MYO1D: variants seen among roughly 807,000 people sequenced by gnomAD.
MYO1D encodes the protein myosin ID.
A neutral mutation model predicts 122.0 loss-of-function variants in MYO1D; 83 were observed. That is an observed-to-expected ratio of 0.68 (90% CI 0.57 to 0.82). MYO1D has a LOEUF of 0.82. MYO1D is among the 40% of genes least tolerant of loss of function. The probability of loss-of-function intolerance (pLI) is 0.00; values close to 1 mark genes in which losing one functional copy is unlikely to be tolerated. For missense variants in MYO1D, 1,157 were observed against 1,269.5 expected (o/e 0.91, Z 1.35); for synonymous variants, 464 against 446.9 (o/e 1.04, Z -0.48).
chr17:32,497,295 A>G (rs911091843), intron 21 of MYO1D, among the ~76,000 whole-genome samples: 1 of 152,130 alleles, frequency 6.6e-6, no homozygotes, highest in Non-Finnish European at 1.5e-5. Context: ...CAAAAAATAA[A>G]AAAACAAACC....
chr17:32,764,815 G>A, intron 8 of MYO1D, 63 bp downstream of exon 8: 1 of 1,520,518 alleles, frequency 6.6e-7, no homozygotes, highest in Admixed American at 1.7e-5. Context: ...CATGCTCACA[G>A]GATTTCACTC....
chr17:32,757,872 G>A (rs1270887622), intron 10 of MYO1D, among the ~76,000 whole-genome samples: 2 of 152,146 alleles, frequency 1.3e-5, no homozygotes, highest in Non-Finnish European at 2.9e-5. Context: ...TTGTGATGGG[G>A]TAGCTTAGGG....
intron 1 of MYO1D, among the ~76,000 whole-genome samples, chr17:32,871,532 GA>G (rs1020273648): frequency 6.6e-6 from 1 of 152,172 alleles, no homozygotes; most frequent in Non-Finnish European, 1.5e-5. Context: ...AAGAGAGGGT[GA>G]AAAATTAAAT....
chr17:32,867,629 G>A (rs1200892789), intron 1 of MYO1D, among the ~76,000 whole-genome samples: 9 of 150,022 alleles, frequency 6.0e-5, no homozygotes, highest in East Asian at 2.0e-4. Context: ...AAACCCTGTC[G>A]CTACTAAAAA....
rs148288383 is a variant in MYO1D, at chr17:32,531,020, C to T, written c.2865-36105G>A. 2.6e-3 allele frequency among the ~76,000 whole-genome samples: 389 copies of T among 152,118 alleles called. 3 individuals carry two copies. Among genetic ancestry groups the T allele is most frequent in the African/African-American group, 8.7e-3 (363 of 41,492 alleles). ...CACTCCCTTTGGAGAACTGATCCTCCCTCACTGCAACCCAGGGTGGTGCTG... is the reference window on the plus strand; with the variant it reads ...CACTCCCTTTGGAGAACTGATCCTCTCTCACTGCAACCCAGGGTGGTGCTG... On this transcript the variant is annotated intron_variant, in intron 21 of 21. Coordinates refer to ENST00000318217, the MANE Select transcript of MYO1D (RefSeq NM_015194.3).
intron 21 of MYO1D, among the ~76,000 whole-genome samples, chr17:32,598,711 T>C (rs796260005): frequency 5.3e-5 from 8 of 152,244 alleles, no homozygotes; most frequent in African/African-American, 1.7e-4. Flanking sequence ...TATGTTTACA[T>C]TATACTGTAG....
intron 21 of MYO1D, among the ~76,000 whole-genome samples, chr17:32,513,578 A>T (rs1909772918): frequency 6.6e-6 from 1 of 152,262 alleles, no homozygotes; most frequent in Non-Finnish European, 1.5e-5. Context: ...GATGTAATCC[A>T]GCAAGGTAGA....
rs554754867 is a variant in MYO1D, at chr17:32,746,682, G to A, written c.1539-1397C>T. On this transcript the variant is annotated intron_variant, in intron 12 of 21. Transcript: ENST00000318217. ...TTTGTGGGAAGAGACCATACCTTAT[G>A]AAGTACTGAGCACATAGAAGATACT... Among the ~76,000 whole-genome samples the A allele has an allele frequency of 2.6e-5, 4 of 152,258 alleles. No individual in the cohort carries two copies. The East Asian group carries it at 7.7e-4, about 29-fold the overall frequency.
chr17:32,549,213 C>A (rs2086990300), intron 21 of MYO1D, among the ~76,000 whole-genome samples: 1 of 152,150 alleles, frequency 6.6e-6, no homozygotes, highest in African/African-American at 2.4e-5. Flanking sequence ...CCACCTCAGC[C>A]TCCAGAGCAG....
In MYO1D at chr17:32,659,273, C is replaced by CCGGCGCTGATTATTGT. The variant is rs1436766711; in HGVS notation, c.2186_2187insACAATAATCAGCGCCG (p.Tyr730GlnfsTer2). The CCGGCGCTGATTATTGT allele has an allele frequency of 6.2e-7, 1 of 1,614,110 alleles. No homozygotes were observed. Among genetic ancestry groups the CCGGCGCTGATTATTGT allele is most frequent in the African/African-American group, 1.3e-5 (1 of 74,936 alleles). On this transcript the variant is annotated stop_gained and frameshift_variant, in exon 17 of 22. Coordinates refer to ENST00000318217, the MANE Select transcript of MYO1D (RefSeq NM_015194.3). LOFTEE classifies it high-confidence loss of function. ...ACTTCACTTTGTAGCGCCGGTAGTA[C>CCGGCGCTGATTATTGT]CTGATTATTGTCAGAGCTGCCTTGG...
intron 16 of MYO1D, among the ~76,000 whole-genome samples, chr17:32,663,490 A>T (rs2088598380): frequency 6.6e-6 from 1 of 152,206 alleles, no homozygotes; most frequent in African/African-American, 2.4e-5. Context: ...TATGAAATAA[A>T]TGCATCAGAG....
intron 1 of MYO1D, among the ~76,000 whole-genome samples, chr17:32,856,391 A>G (rs1332990849): frequency 6.6e-6 from 1 of 152,168 alleles, no homozygotes; most frequent in East Asian, 1.9e-4. Flanking sequence ...CTTAAAAAGT[A>G]GCAGAAAAAC....
At chr17:32,765,353 C>A (rs2090045051) in intron 7 of MYO1D, among the ~76,000 whole-genome samples, 1 of 152,146 alleles carries the variant, frequency 6.6e-6, no homozygotes, top group African/African-American at 2.4e-5. Flanking sequence ...GTCTCTCTTT[C>A]TTTGGTGTCA....
intron 1 of MYO1D, among the ~76,000 whole-genome samples, chr17:32,864,438 T>A (rs564698076): frequency 6.6e-6 from 1 of 151,266 alleles, no homozygotes; most frequent in South Asian, 2.1e-4. Context: ...TAAAATGTAG[T>A]TAACTGGCTA....
chr17:32,710,110 T>C (rs747912342), intron 16 of MYO1D, among the ~76,000 whole-genome samples: 1 of 152,172 alleles, frequency 6.6e-6, no homozygotes, highest in African/African-American at 2.4e-5. Context: ...TAAAGGTCTA[T>C]GTATAGGTTA....
Position 32,494,326 on chromosome 17 carries a change from C to A in MYO1D, c.*433G>T. ...CTGAGCTGGGTCCCCAGGGCTGGCT[C>A]ACCTTGGGCAAGAGAGGTGGCTATG... On this transcript the variant is annotated 3_prime_UTR_variant, in exon 22 of 22. Coordinates refer to ENST00000318217, the MANE Select transcript of MYO1D (RefSeq NM_015194.3). The A allele has an allele frequency of 6.3e-6, 1 of 158,110 alleles. No individual in the cohort carries two copies. Among genetic ancestry groups the A allele is most frequent in the Non-Finnish European group, 1.4e-5 (1 of 71,754 alleles). 9.8% of individuals were successfully genotyped at this position (158,110 alleles called of 1,614,324 possible). A position where few individuals can be genotyped will look rare whatever the true frequency, so the allele number is the denominator to read the frequency against.
intron 19 of MYO1D, among the ~76,000 whole-genome samples, chr17:32,639,363 T>TTG (rs10674390): frequency 0.081 from 10,368 of 127,700 alleles, 451 homozygotes; most frequent in Admixed American, 0.15. Context: ...GGGAGAAATT[T>TTG]TGTGTGTGTG....
At chr17:32,620,842 T>A (rs2087846248) in intron 20 of MYO1D, among the ~76,000 whole-genome samples, 1 of 152,152 alleles carries the variant, frequency 6.6e-6, no homozygotes, top group African/African-American at 2.4e-5. Flanking sequence ...GAGCACACAC[T>A]CCTTTTAAGA....
At chr17:32,697,851 A>C (rs1220167027) in intron 16 of MYO1D, among the ~76,000 whole-genome samples, 1 of 152,250 alleles carries the variant, frequency 6.6e-6, no homozygotes, top group Non-Finnish European at 1.5e-5. Context: ...CTTTGTGAGC[A>C]TGATGCACAT....
Sources: allele counts gnomAD v4.1 joint callset (sites outside exome capture counted in the v4.1 genomes callset), GRCh38; gene constraint gnomAD v4.1.1; transcripts MANE v1.5; gene names NCBI Gene and HGNC (gene_info 2026-07-23, HGNC 2026-07-21).